Variants in SLC33A2 observed in about 807,000 individuals in gnomAD.
The protein encoded by SLC33A2 is major facilitator superfamily domain containing 3.
the SLC33A2 span, chr8:144,510,898 C>A: frequency 5.6e-6 from 9 of 1,605,260 alleles, no homozygotes; most frequent in Non-Finnish European, 7.6e-6. Flanking sequence ...CCCCAGGGCC[C>A]TGCAGGTGAG....
the SLC33A2 span, chr8:144,509,498 T>C: frequency 2.6e-6 from 4 of 1,533,590 alleles, no homozygotes; most frequent in Non-Finnish European, 3.5e-6. Context: ...TCAAGCTGGC[T>C]TGGGCCCCGC....
the SLC33A2 span, chr8:144,509,922 G>A: frequency 1.3e-6 from 2 of 1,574,906 alleles, no homozygotes; most frequent in Admixed American, 1.7e-5. Context: ...GCCCCCTTCC[G>A]AGCAGCGTCC....
the SLC33A2 span, chr8:144,510,089 G>A: frequency 2.0e-6 from 3 of 1,501,300 alleles, no homozygotes; most frequent in Non-Finnish European, 2.7e-6. Context: ...CCAGGGGCTT[G>A]CAACCCATTA....
At chr8:144,509,915 C>T in the SLC33A2 span, 3 of 1,566,468 alleles carry the variant, frequency 1.9e-6, no homozygotes, top group Non-Finnish European at 2.6e-6. Flanking sequence ...CACAGCAGCC[C>T]CCTTCCGAGC....
the SLC33A2 span, chr8:144,510,985 C>A: frequency 1.1e-5 from 17 of 1,600,214 alleles, no homozygotes; most frequent in Admixed American, 1.8e-4. Context: ...CCCCCACCCC[C>A]CTCAGGCCAC....
chr8:144,510,974 AC>A, the SLC33A2 span: 3 of 1,598,912 alleles, frequency 1.9e-6, no homozygotes, highest in African/African-American at 2.7e-5. Context: ...CTTGACCGTG[AC>A]CCCCACCCCC....
chr8:144,510,917 G>A, the SLC33A2 span: 1 of 1,602,666 alleles, frequency 6.2e-7, no homozygotes, highest in South Asian at 1.1e-5. Flanking sequence ...AGTAGATGTA[G>A]CAGGGACACA....
At chr8:144,509,130 C>A in the SLC33A2 span, 15 of 501,954 alleles carry the variant, frequency 3.0e-5, no homozygotes, top group Non-Finnish European at 5.0e-5. Context: ...CGTTTGGACC[C>A]GACTTCGGTT....
At chr8:144,509,819 GTGGCCGCAACTCTTTCTGCTCC>G in the SLC33A2 span, 2 of 1,539,902 alleles carry the variant, frequency 1.3e-6, no homozygotes, top group Non-Finnish European at 1.7e-6. Context: ...CCACCTTCTC[GTGGCCGCAACTCTTTCTGCTCC>G]TGGCTGCCAC....
chr8:144,510,355 C>G, the SLC33A2 span: 1 of 1,611,768 alleles, frequency 6.2e-7, no homozygotes, highest in Non-Finnish European at 8.5e-7. Context: ...CCCCCACCAC[C>G]CAAGGTGAGC....
the SLC33A2 span, chr8:144,510,905 T>C: frequency 2.5e-6 from 4 of 1,604,182 alleles, no homozygotes; most frequent in Non-Finnish European, 3.4e-6. Context: ...GCCCTGCAGG[T>C]GAGTAGATGT....
At chr8:144,509,108 A>C in the SLC33A2 span, 1 of 455,928 alleles carries the variant, frequency 2.2e-6, no homozygotes, top group Non-Finnish European at 3.8e-6. Context: ...CGGTGTCCGG[A>C]CCGCTCGCCC....
the SLC33A2 span, chr8:144,510,830 T>TG: frequency 1.2e-6 from 2 of 1,611,060 alleles, no homozygotes; most frequent in Middle Eastern, 1.7e-4. Flanking sequence ...CAGCACTTCT[T>TG]GGGAGGCCTG....
chr8:144,509,927 G>GC, the SLC33A2 span: 1 of 1,580,192 alleles, frequency 6.3e-7, no homozygotes. Context: ...CTTCCGAGCA[G>GC]CGTCCCCACA....
chr8:144,510,260 C>T, the SLC33A2 span: 5 of 1,536,870 alleles, frequency 3.3e-6, no homozygotes, highest in Non-Finnish European at 4.4e-6. Context: ...AGCTCTGGAA[C>T]ACTGAGGAGA....
At chr8:144,510,686 C>T in the SLC33A2 span, 1 of 1,565,200 alleles carries the variant, frequency 6.4e-7, no homozygotes, top group South Asian at 1.2e-5. Context: ...CCTGGACACC[C>T]TGGGGGCCAG....
the SLC33A2 span, chr8:144,509,300 C>G: frequency 7.0e-7 from 1 of 1,427,434 alleles, no homozygotes; most frequent in Non-Finnish European, 9.1e-7. Flanking sequence ...ACCTGGAACC[C>G]GACCTCCCAG....
At chr8:144,510,716 TTGAGAGG>T in the SLC33A2 span, 3 of 1,588,116 alleles carry the variant, frequency 1.9e-6, no homozygotes, top group Non-Finnish European at 8.6e-7. Flanking sequence ...TGGCACAATC[TTGAGAGG>T]TGAGGGGCTG....
the SLC33A2 span, chr8:144,510,944 TG>T: frequency 8.8e-6 from 14 of 1,599,520 alleles, no homozygotes; most frequent in African/African-American, 1.9e-4. Flanking sequence ...ACCACGGGGC[TG>T]GGGCTGTGTG....
Sources: allele counts gnomAD v4.1 joint callset, GRCh38; gene constraint gnomAD v4.1.1; transcripts MANE v1.5; gene names NCBI Gene and HGNC (gene_info 2026-07-23, HGNC 2026-07-21).